HAUS6: variants seen among roughly 807,000 people sequenced by gnomAD.
The protein encoded by HAUS6 is HAUS augmin like complex subunit 6.
A neutral mutation model predicts 106.8 loss-of-function variants in HAUS6; 80 were observed. That is an observed-to-expected ratio of 0.75 (90% CI 0.63 to 0.90). The LOEUF (loss-of-function observed/expected upper bound fraction) is 0.90. Ranked by LOEUF, HAUS6 falls within the 40% of genes least tolerant of loss-of-function variation. The pLI is 0.00. For synonymous variants in HAUS6, 356 were observed against 379.1 expected (o/e 0.94, Z 0.71); for missense variants, 1,155 against 1,118.1 (o/e 1.03, Z -0.47).
At chr9:19,097,985 C>G (rs1373666336) in intron 1 of HAUS6, among the ~76,000 whole-genome samples, 1 of 152,204 alleles carries the variant, frequency 6.6e-6, no homozygotes, top group Non-Finnish European at 1.5e-5. Context: ...CTTAGAACAT[C>G]TCTACTCTTC....
In HAUS6 at chr9:19,087,755, A is replaced by T. The variant is rs563768068; in HGVS notation, c.585-599T>A. 2.0e-5 allele frequency among the ~76,000 whole-genome samples: 3 copies of T among 148,592 alleles called. No individual in the cohort carries two copies. The South Asian group carries it at 6.6e-4, about 32-fold the overall frequency. On this transcript the variant is annotated intron_variant, in intron 5 of 16. Coordinates refer to ENST00000380502, the MANE Select transcript of HAUS6 (RefSeq NM_017645.5). The stretch of plus-strand genomic sequence containing the variant: ...CTGTACTCCCAGCTACAGTGGGAAG[A>T]TCACTTGAGCCCAGGAGGTCAAGGC...
At position 19,063,514 on chromosome 9, in the gene HAUS6, CT is replaced by C; in HGVS notation, c.1442del (p.Lys481ArgfsTer61). 2 of 1,504,210 alleles carry C rather than the reference CT, an allele frequency of 1.3e-6. No homozygotes were observed. The highest frequency in any genetic ancestry group is 1.8e-6 in the Non-Finnish European group (2 of 1,082,598). The allele number at this position is 1,504,210 out of a possible 1,614,324, so 93.2% of individuals were successfully genotyped here. A position where few individuals can be genotyped will look rare whatever the true frequency, so the allele number is the denominator to read the frequency against. On this transcript the variant is annotated frameshift_variant and splice_region_variant, in exon 13 of 17. Coordinates refer to ENST00000380502, the MANE Select transcript of HAUS6 (RefSeq NM_017645.5). LOFTEE classifies it high-confidence loss of function. ...AATTGAGACTTATTTTAAAATATAC[CT>C]TTTCAAGTACTGTAACACTGTTTCT... Reference protein sequence around the residue: ...SDRNSVTVLEKDTKMGTPKEK... With the variant: ...SDRNSVTVLEXDTKMGTPKEK...
At chr9:19,100,395 C>T (rs1206284891) in intron 1 of HAUS6, among the ~76,000 whole-genome samples, 1 of 152,106 alleles carries the variant, frequency 6.6e-6, no homozygotes, top group Non-Finnish European at 1.5e-5. Flanking sequence ...AAATTTAATG[C>T]CACATCCATG....
rs13440414 is a variant in HAUS6, at chr9:19,053,143, T to C, written c.*3200A>G. Reference sequence around the variant, plus strand: ...TTATATAGGAAATTCCAGAGCCAGATAGTATAAAATATTTATTGAAAACAA... The same window carrying C: ...TTATATAGGAAATTCCAGAGCCAGACAGTATAAAATATTTATTGAAAACAA... On this transcript the variant is annotated 3_prime_UTR_variant, in exon 17 of 17. Coordinates refer to ENST00000380502, the MANE Select transcript of HAUS6 (RefSeq NM_017645.5). 6.6e-6 allele frequency: 1 copy of C among 152,144 alleles called. No homozygotes were observed. The highest frequency in any genetic ancestry group is 6.5e-5 in the Admixed American group (1 of 15,272). 9.4% of individuals were successfully genotyped at this position (152,144 alleles called of 1,614,324 possible).
At chr9:19,089,254 T>C (rs1353103019) in intron 5 of HAUS6, among the ~76,000 whole-genome samples, 158 bp downstream of exon 5, 7 of 145,650 alleles carry the variant, frequency 4.8e-5, no homozygotes, top group African/African-American at 1.8e-4. Flanking sequence ...CTGTCTCAGA[T>C]AGGGAAAAAA....
At chr9:19,080,839 G>A (rs1474058986) in intron 8 of HAUS6, among the ~76,000 whole-genome samples, 167 bp from the exon 9 acceptor site, 1 of 152,162 alleles carries the variant, frequency 6.6e-6, no homozygotes, top group Non-Finnish European at 1.5e-5. Flanking sequence ...AGTTGGGGGT[G>A]GTGGGGGCGG....
intron 2 of HAUS6, among the ~76,000 whole-genome samples, chr9:19,094,674 C>A (rs1817824413): frequency 6.6e-6 from 1 of 151,928 alleles, no homozygotes; most frequent in Non-Finnish European, 1.5e-5. Context: ...CGCCTATAGC[C>A]CCAGCTACTC....
chr9:19,091,443 T>C (rs1317690984), intron 4 of HAUS6, among the ~76,000 whole-genome samples: 2 of 152,206 alleles, frequency 1.3e-5, no homozygotes, highest in African/African-American at 2.4e-5. Context: ...CTTAGAAGTC[T>C]TATGCCTTAT....
Position 19,067,131 on chromosome 9 carries a change from T to C in HAUS6, c.1376+3088A>G, listed in dbSNP as rs557609162. 1.5e-3 allele frequency among the ~76,000 whole-genome samples: 235 copies of C among 152,356 alleles called. 1 individual carries two copies. Among genetic ancestry groups the C allele is most frequent in the African/African-American group, 5.4e-3 (225 of 41,578 alleles). On this transcript the variant is annotated intron_variant, in intron 12 of 16. Coordinates refer to ENST00000380502, the MANE Select transcript of HAUS6 (RefSeq NM_017645.5). ...AAAAACTACATTCTTTCCATGCTTT[T>C]TTAGTTGAATAGTTATATTGATCAT...
chr9:19,073,401 C>A (rs528680265), intron 11 of HAUS6, among the ~76,000 whole-genome samples: 1 of 148,934 alleles, frequency 6.7e-6, no homozygotes, highest in African/African-American at 2.5e-5. Flanking sequence ...TAGCCCAGCT[C>A]AGATCAAGGT....
intron 14 of HAUS6, among the ~76,000 whole-genome samples, chr9:19,060,517 T>A (rs1302812614): frequency 6.6e-6 from 1 of 152,246 alleles, no homozygotes; most frequent in African/African-American, 2.4e-5. Context: ...CAGTTCCAGT[T>A]GTGCAGTGAC....
chr9:19,066,172 G>T (rs1453791227), intron 12 of HAUS6, among the ~76,000 whole-genome samples: 3 of 151,954 alleles, frequency 2.0e-5, no homozygotes, highest in African/African-American at 7.3e-5. Flanking sequence ...CTGACCTCAG[G>T]TGATCTGCCT....
intron 4 of HAUS6, among the ~76,000 whole-genome samples, chr9:19,092,858 G>C (rs1425482532): frequency 6.8e-6 from 1 of 147,954 alleles, no homozygotes; most frequent in African/African-American, 2.5e-5. Flanking sequence ...CTGGGAGGCA[G>C]AGGTTGGAGT....
intron 16 of HAUS6, chr9:19,056,858 C>T (rs113936233): frequency 0.1 from 16,119 of 157,448 alleles, 977 homozygotes; most frequent in South Asian, 0.14. Context: ...ATCTCGGACT[C>T]CCAAAGTGCT....
intron 2 of HAUS6, 110 bp downstream of exon 2, chr9:19,096,564 C>CAAAAAAAA (rs370743421): frequency 4.8e-4 from 129 of 269,374 alleles, no homozygotes; most frequent in South Asian, 1.0e-3. Flanking sequence ...GACTCCGTCT[C>CAAAAAAAA]AAAAAAAAAA....
chr9:19,090,594 G>A lies in HAUS6; in HGVS notation c.437-1035C>T, dbSNP rs576971608. Among the ~76,000 whole-genome samples the A allele has an allele frequency of 9.0e-4, 137 of 152,194 alleles. 1 individual carries two copies. Among genetic ancestry groups the A allele is most frequent in the South Asian group, 1.9e-3 (9 of 4,818 alleles). ...TAGCCAGGATGATCTTGATCTCCTG[G>A]CCTCATGATCCGCCCGCCCTGACCT... is the stretch of plus-strand genomic sequence containing the variant. On this transcript the variant is annotated intron_variant, in intron 4 of 16. Coordinates refer to ENST00000380502, the MANE Select transcript of HAUS6 (RefSeq NM_017645.5).
chr9:19,097,577 G>A (rs779015833), intron 1 of HAUS6, among the ~76,000 whole-genome samples: 9 of 151,942 alleles, frequency 5.9e-5, no homozygotes, highest in Non-Finnish European at 8.8e-5. Flanking sequence ...TTAGAATGGG[G>A]ATCATTAAAA....
chr9:19,085,265 A>C (rs116967935), intron 7 of HAUS6, among the ~76,000 whole-genome samples: 1 of 152,280 alleles, frequency 6.6e-6, no homozygotes, highest in East Asian at 1.9e-4. Context: ...AGTTGACTGT[A>C]CTCAGGGAAA....
intron 8 of HAUS6, among the ~76,000 whole-genome samples, chr9:19,082,189 C>T (rs1469424831): frequency 6.6e-6 from 1 of 152,092 alleles, no homozygotes; most frequent in Non-Finnish European, 1.5e-5. Flanking sequence ...GCTTTACAAG[C>T]AACACTTAAC....
Sources: allele counts gnomAD v4.1 joint callset (sites outside exome capture counted in the v4.1 genomes callset), GRCh38; gene constraint gnomAD v4.1.1; transcripts MANE v1.5; gene names NCBI Gene and HGNC (gene_info 2026-07-23, HGNC 2026-07-21).